ARMH3: variants seen among roughly 807,000 people sequenced by gnomAD.
ARMH3 encodes armadillo like helical domain containing 3.
A neutral mutation model predicts 99.1 loss-of-function variants in ARMH3; 60 were observed. That is an observed-to-expected ratio of 0.61 (90% CI 0.49 to 0.75). The LOEUF (loss-of-function observed/expected upper bound fraction) is 0.75, where lower values mean the gene tolerates loss of function less well. Among genes scored for constraint, ARMH3 ranks in the 30% least tolerant of loss-of-function variants. The pLI, the probability that ARMH3 is intolerant of heterozygous loss-of-function variation, is 0.00. For missense variants in ARMH3, 679 were observed against 843.1 expected (o/e 0.81, Z 2.41); for synonymous variants, 285 against 292.8 (o/e 0.97, Z 0.27).
intron 8 of ARMH3, among the ~76,000 whole-genome samples, chr10:102,019,884 C>A (rs1411273432): frequency 6.8e-6 from 1 of 147,580 alleles, no homozygotes; most frequent in South Asian, 2.1e-4. Flanking sequence ...GCCAAGATCA[C>A]GCCACTGCAC....
At chr10:102,021,915 C>T (rs922350702) in intron 8 of ARMH3, among the ~76,000 whole-genome samples, 3 of 152,030 alleles carry the variant, frequency 2.0e-5, no homozygotes, top group African/African-American at 4.8e-5. Flanking sequence ...GTCTCAAATT[C>T]CTGGCCTCAA....
intron 2 of ARMH3, among the ~76,000 whole-genome samples, chr10:102,035,640 G>A (rs1590216629): frequency 2.0e-5 from 3 of 152,358 alleles, no homozygotes; most frequent in Middle Eastern, 6.8e-3. Context: ...TCCTAACCGC[G>A]AGTGATCCGC....
chr10:101,947,796 A>AAAATAAAT (rs56657656), intron 22 of ARMH3, among the ~76,000 whole-genome samples: 2,001 of 145,328 alleles, frequency 0.014, 30 homozygotes, highest in African/African-American at 0.033. Flanking sequence ...GCGAAACTCA[A>AAAATAAAT]AAATAAATAA....
At chr10:102,045,657 T>C (rs1590233334) in intron 1 of ARMH3, among the ~76,000 whole-genome samples, 1 of 152,290 alleles carries the variant, frequency 6.6e-6, no homozygotes. Flanking sequence ...TGTTTGTGAA[T>C]TTTTTTAATA....
intron 23 of ARMH3, among the ~76,000 whole-genome samples, chr10:101,909,516 T>C (rs1174451644): frequency 7.8e-6 from 1 of 128,838 alleles, no homozygotes; most frequent in East Asian, 2.8e-4. Context: ...GTCCCGAGGC[T>C]AGGGTGCAGT....
At chr10:102,042,666 T>C (rs916411180) in intron 1 of ARMH3, among the ~76,000 whole-genome samples, 1 of 152,206 alleles carries the variant, frequency 6.6e-6, no homozygotes, top group Non-Finnish European at 1.5e-5. Flanking sequence ...CTTCTCCTCC[T>C]GCCAGCACTC....
rs531657456 is a variant in ARMH3, at chr10:102,009,123, T to C, written c.954+251A>G. Among the ~76,000 whole-genome samples, 23 of 152,256 alleles carry C rather than the reference T, an allele frequency of 1.5e-4. 2 individuals are homozygous for C. In the East Asian group the frequency reaches 4.4e-3, roughly 29 times the overall value. ...GCAAAATGAAGTCATGACAATTCAT[T>C]TGGGTTAACAGGATCAATAAATTGG... On this transcript the variant is annotated intron_variant, in intron 13 of 25. Transcript: ENST00000370033.
In ARMH3 at chr10:101,993,538, C is replaced by A; in HGVS notation, c.1275G>T (p.Met425Ile). ...AACAAGAAGCAAAAGAAACACCTAC[C>A]ATTCTATGTAAGTTTACTCGAAAAT... ...NMNFRVNLHR[M>I]PMRHRKKAAD... The change falls in exon 17 of 26, where the codon ATG becomes ATT. Residue 425 changes from methionine (M) to isoleucine (I), a missense_variant and splice_region_variant. Around this residue, in one of 3 missense-constraint regions of ARMH3, gnomAD observed 389 missense variants for 456.5 expected, o/e 0.85. Transcript: ENST00000370033. The A allele has an allele frequency of 6.3e-7, 1 of 1,592,114 alleles. No individual in the cohort carries two copies. Among genetic ancestry groups the A allele is most frequent in the South Asian group, 1.2e-5 (1 of 86,404 alleles).
intron 2 of ARMH3, among the ~76,000 whole-genome samples, chr10:102,036,572 G>A (rs2067278887): frequency 6.6e-6 from 1 of 152,080 alleles, no homozygotes; most frequent in Non-Finnish European, 1.5e-5. Context: ...CTGTGACCTT[G>A]CCCCCAGCCC....
chr10:101,942,746 G>A (rs915309355), intron 22 of ARMH3, among the ~76,000 whole-genome samples: 1 of 151,880 alleles, frequency 6.6e-6, no homozygotes, highest in East Asian at 1.9e-4. Context: ...CATGCCAGTA[G>A]TCCCAACTAC....
At chr10:102,042,709 G>C (rs2067451694) in intron 1 of ARMH3, among the ~76,000 whole-genome samples, 1 of 152,180 alleles carries the variant, frequency 6.6e-6, no homozygotes, top group South Asian at 2.1e-4. Flanking sequence ...GGCAGACTGG[G>C]AGAACTACAG....
intron 5 of ARMH3, among the ~76,000 whole-genome samples, chr10:102,025,973 A>G (rs895818391): frequency 3.2e-4 from 48 of 152,052 alleles, no homozygotes; most frequent in Non-Finnish European, 5.0e-4. Context: ...AGAAAGCATA[A>G]CACTTGATTC....
At chr10:101,959,726 T>C (rs1845193991) in intron 20 of ARMH3, among the ~76,000 whole-genome samples, 1 of 152,192 alleles carries the variant, frequency 6.6e-6, no homozygotes, top group South Asian at 2.1e-4. Context: ...GTGTCCCAAC[T>C]GCCACAGGCA....
At chr10:101,852,526 C>T (rs1202389463) in intron 24 of ARMH3, among the ~76,000 whole-genome samples, 1 of 152,164 alleles carries the variant, frequency 6.6e-6, no homozygotes, top group African/African-American at 2.4e-5. Context: ...GAGGCCGAGG[C>T]GGGCAGATCA....
In ARMH3 at chr10:101,847,536, T is replaced by C. The variant is rs769383327; in HGVS notation, c.2062A>G (p.Ile688Val). ...QEVLLKEFSTIS is the reference protein window; with the variant it reads ...QEVLLKEFSTVS Reference sequence around the variant, plus strand: ...CTCAGGTAGGCGTGGCCTCAGGAGATAGTGGAGAACTCCTTGAGCAGGACT... The same window carrying C: ...CTCAGGTAGGCGTGGCCTCAGGAGACAGTGGAGAACTCCTTGAGCAGGACT... Residue 688 changes from isoleucine (I) to valine (V), a missense_variant, in exon 26 of 26, where the codon ATC becomes GTC. Ile to Val is a conservative substitution (Grantham distance 29). Around this residue, in one of 3 missense-constraint regions of ARMH3, gnomAD observed 389 missense variants for 456.5 expected, o/e 0.85. Coordinates refer to ENST00000370033, the MANE Select transcript of ARMH3 (RefSeq NM_024541.3). The C allele has an allele frequency of 1.3e-5, 21 of 1,613,922 alleles. No individual in the cohort carries two copies. Among genetic ancestry groups the C allele is most frequent in the East Asian group, 6.7e-5 (3 of 44,862 alleles).
chr10:101,848,489 G>A (rs1460328601), intron 25 of ARMH3, among the ~76,000 whole-genome samples: 1 of 149,468 alleles, frequency 6.7e-6, no homozygotes, highest in Non-Finnish European at 1.5e-5. Flanking sequence ...GAAACAAAAA[G>A]GGGAAGGAGG....
intron 23 of ARMH3, among the ~76,000 whole-genome samples, chr10:101,915,872 C>T (rs1015517327): frequency 1.3e-5 from 2 of 150,008 alleles, no homozygotes; most frequent in Non-Finnish European, 3.0e-5. Flanking sequence ...GGCACTACCT[C>T]GGCTCACTGC....
At chr10:101,884,560 A>C (rs1425010509) in intron 24 of ARMH3, among the ~76,000 whole-genome samples, 2 of 152,224 alleles carry the variant, frequency 1.3e-5, no homozygotes, top group Non-Finnish European at 2.9e-5. Context: ...TTTATTCATA[A>C]AGGTATGTTA....
chr10:101,935,086 C>A (rs1843894497), intron 23 of ARMH3, among the ~76,000 whole-genome samples: 1 of 150,950 alleles, frequency 6.6e-6, no homozygotes, highest in South Asian at 2.1e-4. Context: ...TGCACTGGCC[C>A]CTCAAAGTAC....
Sources: gnomAD v4.1 joint callset for allele counts (sites outside exome capture counted in the v4.1 genomes callset) on GRCh38, gnomAD v4.1.1 for gene constraint, gnomAD v4.1.1 regional missense constraint, MANE v1.5 for transcripts, NCBI Gene and HGNC (gene_info 2026-07-23, HGNC 2026-07-21) for gene names.